The following TTC22 variants were observed in gnomAD, a reference collection of about 807,000 sequenced individuals.
The protein encoded by TTC22 is tetratricopeptide repeat protein 22.
A neutral mutation model predicts 48.2 loss-of-function variants in TTC22; 42 were observed. The ratio of observed to expected loss-of-function variants is 0.87; its 90% CI spans 0.68 to 1.13. TTC22 has a LOEUF of 1.13. Among genes scored for constraint, TTC22 ranks in the 50% most tolerant of loss-of-function variants. The pLI is 0.00. For missense variants in TTC22, 784 were observed against 807.0 expected, an observed-to-expected ratio of 0.97 and a Z score of 0.34; for synonymous variants, 345 against 365.5, an observed-to-expected ratio of 0.94 and a Z score of 0.64.
chr1:54,796,968 G>A (rs1426568935), intron 1 of TTC22, among the ~76,000 whole-genome samples: 1 of 152,180 alleles, frequency 6.6e-6, no homozygotes, highest in Non-Finnish European at 1.5e-5. Context: ...TTGAAGAGCA[G>A]TGGTGAAGTG....
At chr1:54,794,830 C>G (rs974291306) in intron 1 of TTC22, 3 of 152,458 alleles carry the variant, frequency 2.0e-5, no homozygotes, top group African/African-American at 7.2e-5. Flanking sequence ...TGCCTCCCTC[C>G]AATGCCCCTG....
Position 54,800,582 on chromosome 1 carries a change from A to G in TTC22, c.567+15T>C, listed in dbSNP as rs756941948. On this transcript the variant is annotated intron_variant, in intron 1 of 6. Coordinates refer to ENST00000371276, the MANE Select transcript of TTC22 (RefSeq NM_001114108.2). ...AGTCCTCCCAGAGGGAGGTAGGGAG[A>G]CAGGGGTCACCTACCTGCTGCCCGT... The G allele has an allele frequency of 1.3e-6, 2 of 1,482,368 alleles. No individual in the cohort carries two copies. Among genetic ancestry groups the G allele is most frequent in the Non-Finnish European group, 1.8e-6 (2 of 1,128,990 alleles). 91.8% of individuals were successfully genotyped at this position (1,482,368 alleles called of 1,614,324 possible).
At position 54,781,199 on chromosome 1, in the gene TTC22, C is replaced by A. The variant is rs1557769266; in HGVS notation, c.*44G>T. 5.2e-6 allele frequency: 7 copies of A among 1,348,716 alleles called. No individual in the cohort carries two copies. In the South Asian group the frequency reaches 9.8e-5, roughly 19 times the overall value. 83.5% of individuals were successfully genotyped at this position (1,348,716 alleles called of 1,614,324 possible). A position where few individuals can be genotyped will look rare whatever the true frequency, so the allele number is the denominator to read the frequency against. ...ACCTGGTCCCATCAGCTGGGCGGGG[C>A]CTGGGCGGGGTCCCAGGGAGCCTCC... is the stretch of plus-strand genomic sequence containing the variant. On this transcript the variant is annotated 3_prime_UTR_variant, in exon 7 of 7. Transcript: ENST00000371276.
Position 54,781,025 on chromosome 1 carries a change from C to G in TTC22, c.*218G>C, listed in dbSNP as rs1646257039. The G allele has an allele frequency of 1.0e-5, 4 of 398,646 alleles. No homozygotes were observed. The allele number at this position is 398,646 out of a possible 1,614,324, so 24.7% of individuals were successfully genotyped here. On this transcript the variant is annotated 3_prime_UTR_variant, in exon 7 of 7. Coordinates refer to ENST00000371276, the MANE Select transcript of TTC22 (RefSeq NM_001114108.2). ...CCCAGTGTTTTCTCACCTCTGCTCC[C>G]AGCCTCTTCTGCTCTCGGGAATCAG... is the stretch of plus-strand genomic sequence containing the variant.
chr1:54,799,316 C>T (rs1256946085), intron 1 of TTC22, among the ~76,000 whole-genome samples: 1 of 152,242 alleles, frequency 6.6e-6, no homozygotes, highest in Non-Finnish European at 1.5e-5. Context: ...AGGGAAGAGC[C>T]AGCCTCTGAT....
intron 5 of TTC22, chr1:54,785,374 G>A (rs1021148654): frequency 3.6e-6 from 1 of 280,906 alleles, no homozygotes; most frequent in Admixed American, 5.0e-5. Flanking sequence ...CTTGCTGCAA[G>A]TTCCACAAGG....
intron 1 of TTC22, among the ~76,000 whole-genome samples, chr1:54,798,266 C>T (rs993334385): frequency 1.3e-5 from 2 of 152,226 alleles, no homozygotes; most frequent in African/African-American, 2.4e-5. Flanking sequence ...CAGGCCCCAC[C>T]ATGGGGCCTT....
intron 1 of TTC22, among the ~76,000 whole-genome samples, chr1:54,799,965 G>C (rs969825830): frequency 3.9e-5 from 6 of 152,218 alleles, no homozygotes; most frequent in Non-Finnish European, 5.9e-5. Flanking sequence ...GATTTGAAGT[G>C]AGTGAGCACG....
At chr1:54,789,912 G>T (rs1646337287) in intron 1 of TTC22, among the ~76,000 whole-genome samples, 1 of 152,240 alleles carries the variant, frequency 6.6e-6, no homozygotes, top group Non-Finnish European at 1.5e-5. Context: ...CAAAAGCTCA[G>T]AGAAGAGCGA....
intron 1 of TTC22, among the ~76,000 whole-genome samples, chr1:54,792,698 G>T (rs1466024209): frequency 1.3e-5 from 2 of 152,334 alleles, no homozygotes; most frequent in South Asian, 4.1e-4. Flanking sequence ...CTCCCAAAGT[G>T]CTGGGATTAC....
intron 1 of TTC22, among the ~76,000 whole-genome samples, chr1:54,797,274 G>A (rs766349431): frequency 6.0e-5 from 5 of 82,852 alleles, no homozygotes; most frequent in Non-Finnish European, 1.5e-4. Context: ...AAGAGATGGC[G>A]TGTGTATACA....
At chr1:54,782,610 G>A in intron 5 of TTC22, 133 bp from the exon 6 acceptor site, 2 of 995,532 alleles carry the variant, frequency 2.0e-6, no homozygotes, top group Non-Finnish European at 2.9e-6. Context: ...AAGACCCTGA[G>A]GCCAGGACCC....
At chr1:54,788,672 A>C (rs1646325713) in intron 1 of TTC22, among the ~76,000 whole-genome samples, 1 of 152,154 alleles carries the variant, frequency 6.6e-6, no homozygotes, top group Admixed American at 6.5e-5. Flanking sequence ...AAAACCCCCC[A>C]GTGCATATCA....
rs750922900 is a variant in TTC22 at position 54,801,053 on chromosome 1, C to A, written c.111G>T (p.Ser37=). ...GGTCCCGGGCGCGCTGTGGGGCCGGCGAGCGCGGCTCGAAGTTCAACTGCA... is the reference window on the plus strand; with the variant it reads ...GGTCCCGGGCGCGCTGTGGGGCCGGAGAGCGCGGCTCGAAGTTCAACTGCA... The part of the protein sequence containing the change: ...LEMQLNFEPR[S]PAPQRARDLK... Residue 37 remains serine, a synonymous_variant, in exon 1 of 7, where the codon TCG becomes TCT. Coordinates refer to ENST00000371276, the MANE Select transcript of TTC22 (RefSeq NM_001114108.2). The A allele has an allele frequency of 6.2e-7, 1 of 1,612,102 alleles. No individual in the cohort carries two copies. Among genetic ancestry groups the A allele is most frequent in the Non-Finnish European group, 8.5e-7 (1 of 1,179,672 alleles).
intron 4 of TTC22, chr1:54,786,692 A>C: frequency 5.7e-6 from 2 of 352,522 alleles, no homozygotes. Context: ...GGCAGAGGGA[A>C]TACTGTGAAT....
rs2101479188 is a variant in TTC22 at position 54,800,803 on chromosome 1, C to G, written c.361G>C (p.Ala121Pro). The G allele has an allele frequency of 6.3e-7, 1 of 1,581,074 alleles. No individual in the cohort carries two copies. Among genetic ancestry groups the G allele is most frequent in the South Asian group, 1.2e-5 (1 of 86,908 alleles). The stretch of plus-strand genomic sequence containing the variant: ...AGGTCGGCCAGCCGTGCGGCGCACG[C>G]CTCCTCCTCTTCTTCCTGGCCCAGC... Reference protein sequence around the residue: ...GRLGQEEEEEACAARLADLMG... With the variant: ...GRLGQEEEEEPCAARLADLMG... The change falls in exon 1 of 7, where the codon GCG (alanine) becomes CCG (proline). Residue 121 changes from alanine (A) to proline (P), a missense_variant. Ala to Pro is a conservative substitution (Grantham distance 27). Coordinates refer to ENST00000371276, the MANE Select transcript of TTC22 (RefSeq NM_001114108.2).
At chr1:54,799,531 C>T (rs2101476384) in intron 1 of TTC22, among the ~76,000 whole-genome samples, 1 of 152,342 alleles carries the variant, frequency 6.6e-6, no homozygotes, top group African/African-American at 2.4e-5. Flanking sequence ...CCTAGGCCTC[C>T]TGGCTCCTAG....
At chr1:54,782,276 G>T in intron 6 of TTC22, 49 bp downstream of exon 6, 2 of 1,476,240 alleles carry the variant, frequency 1.4e-6, no homozygotes, top group Admixed American at 2.4e-5. Context: ...CTGGCAAGGA[G>T]TAAACAGATT....
Position 54,801,068 on chromosome 1 carries a change from G to A in TTC22, c.96C>T (p.Asn32=), listed in dbSNP as rs1646433834. The A allele has an allele frequency of 6.2e-7, 1 of 1,612,410 alleles. No homozygotes were observed. Among genetic ancestry groups the A allele is most frequent in the African/African-American group, 1.3e-5 (1 of 74,878 alleles). Reference sequence around the variant, plus strand: ...GTGGGGCCGGCGAGCGCGGCTCGAAGTTCAACTGCATCTCCAGGTGAAAGT... The same window carrying A: ...GTGGGGCCGGCGAGCGCGGCTCGAAATTCAACTGCATCTCCAGGTGAAAGT... The part of the protein sequence containing the change: ...PGHFHLEMQL[N]FEPRSPAPQR... Residue 32 remains asparagine, a synonymous_variant, in exon 1 of 7, where the codon AAC becomes AAT. Coordinates refer to ENST00000371276, the MANE Select transcript of TTC22 (RefSeq NM_001114108.2).
Sources: gnomAD v4.1 joint callset for allele counts (sites outside exome capture counted in the v4.1 genomes callset) on GRCh38, gnomAD v4.1.1 for gene constraint, MANE v1.5 for transcripts, NCBI Gene and HGNC (gene_info 2026-07-23, HGNC 2026-07-21) for gene names.